Variants in CFAP52 observed in about 807,000 individuals in gnomAD.
The protein encoded by CFAP52 is cilia and flagella associated protein 52, also known as cilia- and flagella-associated protein 52.
In CFAP52, 57 loss-of-function variants were observed where a neutral mutation model predicts 70.5. The ratio of observed to expected loss-of-function variants is 0.81; its 90% CI spans 0.65 to 1.01. The LOEUF (loss-of-function observed/expected upper bound fraction) is 1.01. Among genes scored for constraint, CFAP52 ranks in the 50% least tolerant of loss-of-function variants. The pLI, the probability that CFAP52 is intolerant of heterozygous loss-of-function variation, is 0.00. For synonymous variants in CFAP52, 267 were observed against 292.5 expected (o/e 0.91, Z 0.89); for missense variants, 785 against 788.5 (o/e 1.00, Z 0.05).
At chr17:9,627,006 C>A (rs184560330) in intron 8 of CFAP52, among the ~76,000 whole-genome samples, 176 of 151,982 alleles carry the variant, frequency 1.2e-3, no homozygotes, top group African/African-American at 4.1e-3. Context: ...ACTTATGAAC[C>A]AAATGGTCTT....
rs1456693707 is a variant in CFAP52 at position 9,635,497 on chromosome 17, GAAC to G, written c.1417_1419del (p.Asn473del). ...CAGTGTCCTGCATTAGGGTGAAGAG[GAAC>G]AACGAGGAGTGTGTCACCGCCAGCA... On this transcript the variant is annotated inframe_deletion, in exon 11 of 14. Transcript: ENST00000352665. 6.2e-7 allele frequency: 1 copy of G among 1,614,206 alleles called. No individual in the cohort carries two copies. Among genetic ancestry groups the G allele is most frequent in the South Asian group, 1.1e-5 (1 of 91,084 alleles).
chr17:9,639,713 G>A (rs377393859), intron 12 of CFAP52, among the ~76,000 whole-genome samples: 7 of 152,260 alleles, frequency 4.6e-5, no homozygotes, highest in South Asian at 2.1e-4. Flanking sequence ...ACTGGCGGGC[G>A]GGGGAAAGCT....
chr17:9,640,373 T>C (rs1172916543), intron 12 of CFAP52, among the ~76,000 whole-genome samples: 1 of 152,072 alleles, frequency 6.6e-6, no homozygotes, highest in Non-Finnish European at 1.5e-5. Context: ...TTAGCTATTC[T>C]TCCTGATGCT....
At chr17:9,608,343 A>G (rs1397633307) in intron 7 of CFAP52, 124 bp downstream of exon 7, 8 of 745,506 alleles carry the variant, frequency 1.1e-5, no homozygotes, top group Non-Finnish European at 1.6e-5. Flanking sequence ...TCTTGCTGTT[A>G]GAATGAGTAG....
Position 9,632,987 on chromosome 17 carries a change from C to G in CFAP52, c.1274C>G (p.Thr425Ser). ...AHRIGVTAIATTSDCKRVISG... is the reference protein window; with the variant it reads ...AHRIGVTAIASTSDCKRVISG... Reference sequence around the variant, plus strand: ...AGGATCGGCGTCACCGCCATCGCCACCACCAGTGACTGTAAAAGGGTCATC... The same window carrying G: ...AGGATCGGCGTCACCGCCATCGCCAGCACCAGTGACTGTAAAAGGGTCATC... Residue 425 changes from threonine to serine, a missense_variant, in exon 10 of 14, where the codon ACC (threonine) becomes AGC (serine). Thr to Ser is a moderately conservative substitution (Grantham distance 58). Transcript: ENST00000352665. 1.2e-6 allele frequency: 2 copies of G among 1,614,182 alleles called. No homozygotes were observed. The highest frequency in any genetic ancestry group is 1.7e-6 in the Non-Finnish European group (2 of 1,180,030).
chr17:9,592,444 A>G (rs1306175805), intron 3 of CFAP52, among the ~76,000 whole-genome samples: 6 of 151,734 alleles, frequency 4.0e-5, no homozygotes, highest in African/African-American at 1.5e-4. Flanking sequence ...ACTCCAGCCT[A>G]GGCAACAAGA....
chr17:9,586,568 CAAAA>C (rs11296135), intron 2 of CFAP52, 126 bp from the exon 3 acceptor site: 4,364 of 885,280 alleles, frequency 4.9e-3, no homozygotes, highest in South Asian at 9.7e-3. Context: ...TCCGTCTCAA[CAAAA>C]AAAAAAAAAA....
intron 3 of CFAP52, among the ~76,000 whole-genome samples, chr17:9,593,487 G>C (rs554211524): frequency 6.6e-6 from 1 of 152,028 alleles, no homozygotes; most frequent in Non-Finnish European, 1.5e-5. Context: ...ACGCAGTCTC[G>C]CTCTCTTGCC....
Position 9,598,255 on chromosome 17 carries a change from A to G in CFAP52, c.558A>G (p.Glu186=). 1.2e-6 allele frequency: 2 copies of G among 1,612,806 alleles called. No homozygotes were observed. The highest frequency in any genetic ancestry group is 1.7e-6 in the Non-Finnish European group (2 of 1,179,826). ...ATAGTGGGACAATTCGAGTATGGGA[A>G]TTGGATCTTCCAAATAGAAAAATCT... The part of the protein sequence containing the change: ...TAGNGTIRVW[E]LDLPNRKIWP... The change falls in exon 5 of 14, where the codon GAA becomes GAG. Residue 186 remains glutamate (E), a synonymous_variant. Coordinates refer to ENST00000352665, the MANE Select transcript of CFAP52 (RefSeq NM_145054.5).
intron 4 of CFAP52, among the ~76,000 whole-genome samples, chr17:9,597,117 G>A (rs554608774): frequency 4.6e-5 from 7 of 152,136 alleles, no homozygotes; most frequent in Middle Eastern, 3.4e-3. Flanking sequence ...TGTCTCATGC[G>A]TTAGGCTTTT....
Position 9,585,783 on chromosome 17 carries a change from C to T in CFAP52, c.81C>T (p.Pro27=), listed in dbSNP as rs1326780991. The T allele has an allele frequency of 8.1e-6, 13 of 1,613,946 alleles. No individual in the cohort carries two copies. The highest frequency in any genetic ancestry group is 1.3e-5 in the African/African-American group (1 of 74,900). ...ATCTCTCTCTTTTAGGACATGTGCC[C>T]ACTGGTCTCAAATGCCATCCTGACC... ...DAVIGFNGHV[P]TGLKCHPDQE... Residue 27 remains proline, a synonymous_variant, in exon 2 of 14, where the codon CCC becomes CCT. Transcript: ENST00000352665.
chr17:9,611,077 G>T lies in CFAP52; in HGVS notation c.855-1232G>T, dbSNP rs115742045. Among the ~76,000 whole-genome samples the T allele has an allele frequency of 2.5e-3, 388 of 152,242 alleles. 1 individual carries two copies. Among genetic ancestry groups the T allele is most frequent in the African/African-American group, 9.0e-3 (375 of 41,548 alleles). ...TAGTGCAAGAACTGAGGTTTAACTT[G>T]TCATCTTCCTTTCGTCATTAACTGT... is the stretch of plus-strand genomic sequence containing the variant. On this transcript the variant is annotated intron_variant, in intron 7 of 13. Transcript: ENST00000352665.
At chr17:9,582,838 T>C (rs1427184205) in intron 1 of CFAP52, among the ~76,000 whole-genome samples, 1 of 152,196 alleles carries the variant, frequency 6.6e-6, no homozygotes, top group African/African-American at 2.4e-5. Context: ...GGTTTCGCCA[T>C]ATTGGCTAGG....
intron 5 of CFAP52, among the ~76,000 whole-genome samples, chr17:9,598,809 T>C (rs1334395410): frequency 6.6e-6 from 1 of 150,690 alleles, no homozygotes; most frequent in Non-Finnish European, 1.5e-5. Flanking sequence ...CCACTCCCTT[T>C]AGGAGTCAGG....
rs558818102 is a variant in CFAP52 at position 9,629,675 on chromosome 17, G to A, written c.1174+855G>A. On this transcript the variant is annotated intron_variant, in intron 9 of 13. Coordinates refer to ENST00000352665, the MANE Select transcript of CFAP52 (RefSeq NM_145054.5). ...CAATTCTCCTGTCTCAGCCTCCAGA[G>A]TAGCTGGGATTACAGGCACGCTCCT... is the stretch of plus-strand genomic sequence containing the variant. 6.7e-4 allele frequency among the ~76,000 whole-genome samples: 102 copies of A among 151,808 alleles called. 1 individual carries two copies. The highest frequency in any genetic ancestry group is 2.2e-3 in the African/African-American group (89 of 41,366).
rs191543956 is a variant in CFAP52 at position 9,588,000 on chromosome 17, C to T, written c.407+1166C>T. 2.6e-3 allele frequency among the ~76,000 whole-genome samples: 393 copies of T among 152,172 alleles called. 2 individuals are homozygous for T. The highest frequency in any genetic ancestry group is 4.5e-3 in the Non-Finnish European group (304 of 67,988). On this transcript the variant is annotated intron_variant, in intron 3 of 13. Transcript: ENST00000352665. ...TGCCTGGGTGTACCTTCCAAGAGTCCGATTTGATTGGCCTGAGCTCTAAGA... is the reference window on the plus strand; with the variant it reads ...TGCCTGGGTGTACCTTCCAAGAGTCTGATTTGATTGGCCTGAGCTCTAAGA...
chr17:9,596,394 G>C (rs1215527002), intron 4 of CFAP52, among the ~76,000 whole-genome samples: 2 of 151,930 alleles, frequency 1.3e-5, no homozygotes, highest in Admixed American at 6.6e-5. Flanking sequence ...CAGCCACCAT[G>C]CCTGGCCCAA....
chr17:9,623,790 G>A (rs1225648711), intron 8 of CFAP52, among the ~76,000 whole-genome samples: 3 of 152,222 alleles, frequency 2.0e-5, no homozygotes, highest in African/African-American at 7.2e-5. Context: ...TAAACACCTG[G>A]TCTCAAGTGT....
At chr17:9,638,548 G>A (rs1910910405) in intron 11 of CFAP52, 61 bp from the exon 12 acceptor site, 1 of 1,527,466 alleles carries the variant, frequency 6.5e-7, no homozygotes, top group Non-Finnish European at 9.1e-7. Flanking sequence ...AGCTTGAATA[G>A]TGAATAAATT....
Sources: allele counts gnomAD v4.1 joint callset (sites outside exome capture counted in the v4.1 genomes callset), GRCh38; gene constraint gnomAD v4.1.1; transcripts MANE v1.5; gene names NCBI Gene and HGNC (gene_info 2026-07-23, HGNC 2026-07-21).